RANBP10: variants seen among roughly 807,000 people sequenced by gnomAD.
The protein encoded by RANBP10 is RAN binding protein 10, also known as ran-binding protein 10.
A neutral mutation model predicts 72.8 loss-of-function variants in RANBP10; 24 were observed. The observed-to-expected ratio is 0.33, with a 90% CI of 0.24 to 0.46. The LOEUF (loss-of-function observed/expected upper bound fraction) is 0.46. RANBP10 is among the 20% of genes least tolerant of loss of function. The pLI is 1.00. For missense variants in RANBP10, 679 were observed against 817.5 expected (o/e 0.83, Z 2.07); for synonymous variants, 310 against 322.3 (o/e 0.96, Z 0.41).
chr16:67,750,984 T>C (rs1448051680), intron 3 of RANBP10, among the ~76,000 whole-genome samples: 2 of 152,232 alleles, frequency 1.3e-5, no homozygotes, highest in East Asian at 3.9e-4. Flanking sequence ...GCCAGGATGG[T>C]CTCGATCTCC....
At chr16:67,789,451 C>A (rs991774224) in intron 2 of RANBP10, among the ~76,000 whole-genome samples, 1 of 151,488 alleles carries the variant, frequency 6.6e-6, no homozygotes, top group African/African-American at 2.4e-5. Context: ...GCACTCCAGT[C>A]TGGGCAACAG....
chr16:67,747,652 C>T (rs1467246922), intron 3 of RANBP10, among the ~76,000 whole-genome samples: 4 of 151,876 alleles, frequency 2.6e-5, no homozygotes, highest in Admixed American at 6.6e-5. Flanking sequence ...TACAGGCACG[C>T]GCCACTACCA....
chr16:67,762,182 T>C (rs1428642511), intron 3 of RANBP10, among the ~76,000 whole-genome samples: 1 of 152,136 alleles, frequency 6.6e-6, no homozygotes, highest in African/African-American at 2.4e-5. Flanking sequence ...AGAAAATCAC[T>C]TGAGCCCAGG....
chr16:67,746,945 TTTGAG>T (rs1280451041), intron 3 of RANBP10, among the ~76,000 whole-genome samples: 1 of 152,220 alleles, frequency 6.6e-6, no homozygotes, highest in South Asian at 2.1e-4. Context: ...GTTGATGACA[TTTGAG>T]TTGTTATAAT....
chr16:67,759,288 G>C (rs1597869336), intron 3 of RANBP10, among the ~76,000 whole-genome samples: 2 of 152,220 alleles, frequency 1.3e-5, no homozygotes, highest in South Asian at 4.1e-4. Context: ...GGGCAAGGCA[G>C]CACCAGGTAC....
chr16:67,783,696 C>G (rs961966284), intron 2 of RANBP10, among the ~76,000 whole-genome samples: 1 of 152,094 alleles, frequency 6.6e-6, no homozygotes, highest in Non-Finnish European at 1.5e-5. Flanking sequence ...TGTGCAGTGC[C>G]CAGATGCAAA....
Position 67,729,644 on chromosome 16 carries a change from C to A in RANBP10, c.1147+36G>T, listed in dbSNP as rs1369845804. The A allele has an allele frequency of 5.7e-6, 9 of 1,583,976 alleles. No individual in the cohort carries two copies. The highest frequency in any genetic ancestry group is 1.2e-5 in the South Asian group (1 of 86,050). On this transcript the variant is annotated intron_variant, in intron 9 of 13. Transcript: ENST00000317506. The surrounding 1 kb of genome is among the most constrained non-coding windows in gnomAD (Gnocchi z 7.1). ...TGTGGAGTGGCCTCTCTCCTCCACACCAGTTCTTCCCAGAGCCCTCTGGAG... is the reference window on the plus strand; with the variant it reads ...TGTGGAGTGGCCTCTCTCCTCCACAACAGTTCTTCCCAGAGCCCTCTGGAG...
rs2054287606 is a variant in RANBP10 at position 67,756,492 on chromosome 16, C to T, written c.401-12037G>A. On this transcript the variant is annotated intron_variant, in intron 3 of 13. Coordinates refer to ENST00000317506, the MANE Select transcript of RANBP10 (RefSeq NM_020850.3). ...ATCCCAGCACTTTGGGACGCTGAGGCGGGCGTTCAAGACCAGCCTGGCCAA... is the reference window on the plus strand; with the variant it reads ...ATCCCAGCACTTTGGGACGCTGAGGTGGGCGTTCAAGACCAGCCTGGCCAA... Among the ~76,000 whole-genome samples the T allele has an allele frequency of 5.3e-5, 8 of 151,686 alleles. No homozygotes were observed. The South Asian group carries it at 1.7e-3, about 32-fold the overall frequency.
At chr16:67,772,984 T>TC (rs2054635225) in intron 2 of RANBP10, among the ~76,000 whole-genome samples, 1 of 152,168 alleles carries the variant, frequency 6.6e-6, no homozygotes, top group African/African-American at 2.4e-5. Context: ...TCTGGGGGAC[T>TC]AGTGGGAAGG....
chr16:67,735,002 T>TC lies in RANBP10; in HGVS notation c.631dup (p.Glu211GlyfsTer15). 6.2e-7 allele frequency: 1 copy of TC among 1,612,938 alleles called. No individual in the cohort carries two copies. Among genetic ancestry groups the TC allele is most frequent in the Non-Finnish European group, 8.5e-7 (1 of 1,179,332 alleles). ...CTGCCCAAAGTTGGCGTCCACAATC[T>TC]CCCCAGGTGTCTGCAGGCCTACGGT... On this transcript the variant is annotated frameshift_variant, in exon 6 of 14. Coordinates refer to ENST00000317506, the MANE Select transcript of RANBP10 (RefSeq NM_020850.3). LOFTEE classifies it high-confidence loss of function.
chr16:67,802,116 C>CA (rs796472007), intron 2 of RANBP10, among the ~76,000 whole-genome samples: 2 of 148,898 alleles, frequency 1.3e-5, no homozygotes, highest in Non-Finnish European at 3.0e-5. Context: ...AAAAAATCTA[C>CA]AAAAAAAGGG....
intron 13 of RANBP10, among the ~76,000 whole-genome samples, chr16:67,727,028 C>T (rs1202225456): frequency 6.6e-6 from 1 of 152,336 alleles, no homozygotes; most frequent in East Asian, 1.9e-4. Context: ...GGCATGGTGG[C>T]TCACACCTGT....
At chr16:67,777,758 A>G (rs528681862) in intron 2 of RANBP10, among the ~76,000 whole-genome samples, 2 of 152,322 alleles carry the variant, frequency 1.3e-5, no homozygotes, top group East Asian at 3.9e-4. Flanking sequence ...TTCCACAGAA[A>G]TAGAAAAATC....
intron 2 of RANBP10, among the ~76,000 whole-genome samples, chr16:67,775,074 G>A (rs1407405183): frequency 6.6e-6 from 1 of 152,208 alleles, no homozygotes; most frequent in East Asian, 1.9e-4. Context: ...CATCTTGGGA[G>A]GCTGAGGCGG....
At chr16:67,780,459 G>T (rs1294107827) in intron 2 of RANBP10, among the ~76,000 whole-genome samples, 1 of 152,004 alleles carries the variant, frequency 6.6e-6, no homozygotes, top group Non-Finnish European at 1.5e-5. Context: ...AGCCACAGAA[G>T]GGGCTAAGCT....
intron 2 of RANBP10, among the ~76,000 whole-genome samples, chr16:67,790,538 G>A (rs1388266587): frequency 4.0e-5 from 6 of 151,526 alleles, no homozygotes; most frequent in African/African-American, 7.3e-5. Flanking sequence ...AGCAAGGACC[G>A]CATCTGGCTT....
At chr16:67,794,930 T>TA (rs1239858200) in intron 2 of RANBP10, among the ~76,000 whole-genome samples, 2,105 of 54,094 alleles carry the variant, frequency 0.039, 74 homozygotes, top group African/African-American at 0.096. Context: ...TGCCTCAAAT[T>TA]AAAAAAAAAA....
intron 2 of RANBP10, among the ~76,000 whole-genome samples, chr16:67,784,404 C>G (rs2054869818): frequency 6.6e-6 from 1 of 152,112 alleles, no homozygotes; most frequent in Non-Finnish European, 1.5e-5. Context: ...CGCCTGTAAT[C>G]CCAGCACTTT....
At chr16:67,749,918 C>A (rs2054162623) in intron 3 of RANBP10, among the ~76,000 whole-genome samples, 1 of 152,192 alleles carries the variant, frequency 6.6e-6, no homozygotes, top group African/African-American at 2.4e-5. Flanking sequence ...CCAGCTTGCC[C>A]TGACAGGATC....
Sources: allele counts gnomAD v4.1 joint callset (sites outside exome capture counted in the v4.1 genomes callset), GRCh38; gene constraint gnomAD v4.1.1; non-coding constraint Gnocchi (gnomAD v3.1); transcripts MANE v1.5; gene names NCBI Gene and HGNC (gene_info 2026-07-23, HGNC 2026-07-21).